Variants in XKR6 observed in about 807,000 individuals in gnomAD.
XKR6 encodes XK-related protein 6.
A neutral mutation model predicts 56.7 loss-of-function variants in XKR6; 22 were observed. The ratio of observed to expected loss-of-function variants is 0.39; its 90% confidence interval spans 0.28 to 0.55. The LOEUF (loss-of-function observed/expected upper bound fraction) is 0.55, where lower values mean the gene tolerates loss of function less well. Ranked by LOEUF, XKR6 falls within the 20% of genes least tolerant of loss-of-function variation. The pLI, the probability that XKR6 is intolerant of heterozygous loss-of-function variation, is 0.66. For synonymous variants in XKR6, 524 were observed against 387.8 expected, an observed-to-expected ratio of 1.35 and a Z score of -4.13; for missense variants, 852 against 889.0, an observed-to-expected ratio of 0.96 and a Z score of 0.53.
chr8:11,171,139 G>C (rs1012260964), intron 1 of XKR6, among the ~76,000 whole-genome samples: 3 of 152,342 alleles, frequency 2.0e-5, no homozygotes, highest in Admixed American at 2.0e-4. Flanking sequence ...TGGGTAGAAG[G>C]ACAGAACTGC....
intron 1 of XKR6, among the ~76,000 whole-genome samples, chr8:10,993,578 G>A (rs1356028661): frequency 1.3e-5 from 2 of 152,208 alleles, no homozygotes; most frequent in Non-Finnish European, 2.9e-5. Flanking sequence ...CTGCACCTGC[G>A]GCTACTGAGG....
At chr8:11,178,862 G>T (rs1167272754) in intron 1 of XKR6, among the ~76,000 whole-genome samples, 1 of 151,170 alleles carries the variant, frequency 6.6e-6, no homozygotes, top group Non-Finnish European at 1.5e-5. Flanking sequence ...TAGAGACAGG[G>T]TCTCACTCAG....
At chr8:11,128,276 G>T (rs1799928416) in intron 1 of XKR6, among the ~76,000 whole-genome samples, 1 of 152,060 alleles carries the variant, frequency 6.6e-6, no homozygotes, top group Non-Finnish European at 1.5e-5. Context: ...GACCTCTAAA[G>T]CCCCAGTGCA....
intron 1 of XKR6, among the ~76,000 whole-genome samples, chr8:11,176,841 G>A (rs944557237): frequency 3.3e-5 from 5 of 152,154 alleles, no homozygotes; most frequent in Middle Eastern, 3.2e-3. Context: ...GTAGCTGGAC[G>A]CTGGGCAAAG....
chr8:11,154,929 T>C (rs1801443484), intron 1 of XKR6, among the ~76,000 whole-genome samples: 2 of 152,234 alleles, frequency 1.3e-5, no homozygotes, highest in Admixed American at 1.3e-4. Context: ...CATATTCTTA[T>C]AAATCTGCTG....
rs79505728 is a variant in XKR6, at chr8:10,963,883, C to A, written c.765-39053G>T. On this transcript the variant is annotated intron_variant, in intron 1 of 2. Coordinates refer to ENST00000416569, the MANE Select transcript of XKR6 (RefSeq NM_173683.4). ...GAACGAATGAATGATGTGAACACTG[C>A]ATGAACTGGGGTCAGTCCTGGATTC... Among the ~76,000 whole-genome samples the A allele has an allele frequency of 6.8e-3, 1,042 of 152,302 alleles. 26 individuals carry two copies. Among genetic ancestry groups the A allele is most frequent in the East Asian group, 0.059 (305 of 5,180 alleles).
chr8:10,928,563 G>GA (rs1800965177), intron 1 of XKR6, among the ~76,000 whole-genome samples: 1 of 141,736 alleles, frequency 7.1e-6, no homozygotes, highest in Non-Finnish European at 1.6e-5. Flanking sequence ...GCCTCCTGCA[G>GA]AGTCTCCCAT....
chr8:10,901,480 C>G (rs1192148598), intron 2 of XKR6, among the ~76,000 whole-genome samples: 2 of 152,188 alleles, frequency 1.3e-5, no homozygotes, highest in Non-Finnish European at 2.9e-5. Flanking sequence ...GCTGAAATCA[C>G]ATCTTCATAG....
intron 1 of XKR6, chr8:11,067,135 A>G (rs1357883241): frequency 6.6e-6 from 1 of 152,370 alleles, no homozygotes; most frequent in African/African-American, 2.4e-5. Flanking sequence ...GAGAGACGTC[A>G]CCCAGGCTGG....
intron 1 of XKR6, among the ~76,000 whole-genome samples, chr8:11,196,498 G>A (rs760672776): frequency 1.3e-5 from 2 of 152,140 alleles, no homozygotes; most frequent in South Asian, 4.1e-4. Context: ...GCATACCCTT[G>A]AGTACACCTG....
chr8:11,100,212 C>T (rs1489274758), intron 1 of XKR6, among the ~76,000 whole-genome samples: 1 of 152,058 alleles, frequency 6.6e-6, no homozygotes, highest in African/African-American at 2.4e-5. Flanking sequence ...GCCATCATGC[C>T]GAGCTAATTT....
rs1430176677 is a variant in XKR6 at position 11,071,855 on chromosome 8, C to T, written c.764+128721G>A. On this transcript the variant is annotated intron_variant, in intron 1 of 2. Transcript: ENST00000416569. ...AACCCAAGTGAAAGTCCTCTCTGTT[C>T]ACATCACAGGGAATCACTCTTCCTT... Among the ~76,000 whole-genome samples the T allele has an allele frequency of 2.2e-5, 3 of 133,614 alleles. No homozygotes were observed. In the East Asian group the frequency reaches 5.8e-4, roughly 26 times the overall value. 87.7% of individuals were successfully genotyped at this position (133,614 alleles called of 152,430 possible). A position where few individuals can be genotyped will look rare whatever the true frequency, so the allele number is the denominator to read the frequency against.
At chr8:11,158,806 T>A (rs533688563) in intron 1 of XKR6, among the ~76,000 whole-genome samples, 15 of 152,274 alleles carry the variant, frequency 9.9e-5, no homozygotes, top group African/African-American at 3.6e-4. Context: ...TAGGTTCAAG[T>A]ACATCAAATG....
chr8:11,176,214 T>G (rs1212255365), intron 1 of XKR6, among the ~76,000 whole-genome samples: 1 of 152,192 alleles, frequency 6.6e-6, no homozygotes, highest in Non-Finnish European at 1.5e-5. Flanking sequence ...CCTAGGAAAT[T>G]ATCTCCTCGA....
chr8:10,985,361 A>G (rs1384227842), intron 1 of XKR6, among the ~76,000 whole-genome samples: 5 of 152,126 alleles, frequency 3.3e-5, no homozygotes, highest in Non-Finnish European at 7.4e-5. Flanking sequence ...CATGTAAGAC[A>G]CCCCTTTGCT....
intron 1 of XKR6, among the ~76,000 whole-genome samples, chr8:11,067,367 A>AC (rs1349696210): frequency 1.2e-4 from 18 of 152,080 alleles, no homozygotes; most frequent in African/African-American, 4.3e-4. Context: ...AGAGCCCCCC[A>AC]CCCGGGTGAT....
At chr8:11,009,455 A>G (rs1311242565) in intron 1 of XKR6, among the ~76,000 whole-genome samples, 1 of 152,210 alleles carries the variant, frequency 6.6e-6, no homozygotes, top group Non-Finnish European at 1.5e-5. Flanking sequence ...GAGGCTGCAG[A>G]GAAGAGATCA....
At chr8:10,965,681 T>C (rs1011351796) in intron 1 of XKR6, among the ~76,000 whole-genome samples, 1 of 152,226 alleles carries the variant, frequency 6.6e-6, no homozygotes, top group African/African-American at 2.4e-5. Flanking sequence ...CATCTCTCTC[T>C]TTCCGGCAGC....
Position 11,197,539 on chromosome 8 carries a change from C to A in XKR6, c.764+3037G>T, listed in dbSNP as rs144987228. ...CTCCTGGAATAAGTGATTCACATGC[C>A]AGTTATCCCCACAAAAAGCACCTGA... On this transcript the variant is annotated intron_variant, in intron 1 of 2. Transcript: ENST00000416569. 4.1e-3 allele frequency among the ~76,000 whole-genome samples: 622 copies of A among 152,260 alleles called. 6 individuals carry two copies. The highest frequency in any genetic ancestry group is 0.014 in the African/African-American group (587 of 41,530).
Sources: gnomAD v4.1 joint callset for allele counts (sites outside exome capture counted in the v4.1 genomes callset) on GRCh38, gnomAD v4.1.1 for gene constraint, MANE v1.5 for transcripts, NCBI Gene and HGNC (gene_info 2026-07-23, HGNC 2026-07-21) for gene names.